The following USH2A variants were observed in gnomAD, a reference collection of about 807,000 sequenced individuals.
The protein encoded by USH2A is Usher syndrome 2A (autosomal recessive, mild).
A neutral mutation model predicts 538.9 loss-of-function variants in USH2A; 443 were observed. The observed-to-expected ratio is 0.82, with a 90% CI of 0.76 to 0.89. USH2A has a LOEUF of 0.89. Among genes scored for constraint, USH2A ranks in the 40% least tolerant of loss-of-function variants. USH2A has a pLI of 0.00. For missense variants in USH2A, 6,633 were observed against 6,324.8 expected, an observed-to-expected ratio of 1.05 and a Z score of -1.65; for synonymous variants, 2,413 against 2,273.5, an observed-to-expected ratio of 1.06 and a Z score of -1.75.
intron 61 of USH2A, among the ~76,000 whole-genome samples, chr1:215,710,165 C>T (rs1375016326): frequency 4.6e-5 from 7 of 152,166 alleles, no homozygotes; most frequent in Admixed American, 4.6e-4. Context: ...TGTGCAAGTG[C>T]ATCATTCACT....
At position 216,128,588 on chromosome 1, in the gene USH2A, T is replaced by C. The variant is rs554466439; in HGVS notation, c.4628-31375A>G. The stretch of plus-strand genomic sequence containing the variant: ...ATTCTTTTTCTCGTCAAGTTAACTT[T>C]TCTTAAATTGTAAAATTTTTAATTT... On this transcript the variant is annotated intron_variant, in intron 21 of 71. Coordinates refer to ENST00000307340, the MANE Select transcript of USH2A (RefSeq NM_206933.4). Among the ~76,000 whole-genome samples the C allele has an allele frequency of 4.6e-5, 7 of 152,178 alleles. No homozygotes were observed. The East Asian group carries it at 5.8e-4, about 13-fold the overall frequency.
At chr1:215,728,510 G>A (rs984634063) in intron 60 of USH2A, 126 bp from the exon 61 acceptor site, 3 of 951,658 alleles carry the variant, frequency 3.2e-6, no homozygotes, top group Non-Finnish European at 4.8e-6. Flanking sequence ...TCTTCCTGGT[G>A]TCATAGTAAA....
At chr1:216,336,777 T>A (rs543453701) in intron 4 of USH2A, among the ~76,000 whole-genome samples, 33 of 151,574 alleles carry the variant, frequency 2.2e-4, no homozygotes, top group African/African-American at 7.2e-4. Flanking sequence ...TCAATATGGA[T>A]AATAGAACTA....
At chr1:216,040,267 C>T (rs896180357) in intron 32 of USH2A, among the ~76,000 whole-genome samples, 3 of 151,916 alleles carry the variant, frequency 2.0e-5, no homozygotes, top group African/African-American at 7.2e-5. Context: ...TGAAAACACA[C>T]GTGTTATGGC....
At chr1:215,830,379 G>GA (rs1345676094) in intron 47 of USH2A, among the ~76,000 whole-genome samples, 4 of 152,286 alleles carry the variant, frequency 2.6e-5, no homozygotes, top group Middle Eastern at 3.4e-3. Flanking sequence ...CCAACGGGGG[G>GA]AAAAATCTTT....
At position 216,095,246 on chromosome 1, in the gene USH2A, T is replaced by C. The variant is rs1014459299; in HGVS notation, c.4758+1837A>G. 5.9e-5 allele frequency among the ~76,000 whole-genome samples: 9 copies of C among 152,146 alleles called. 1 individual carries two copies. The highest frequency in any genetic ancestry group is 2.2e-4 in the African/African-American group (9 of 41,436). On this transcript the variant is annotated intron_variant, in intron 22 of 71. Coordinates refer to ENST00000307340, the MANE Select transcript of USH2A (RefSeq NM_206933.4). ...CCGATTCGCTTCTTAGTGACAGTAGTAGTATCTAACTTTCTTGTTTTTGTC... is the reference window on the plus strand; with the variant it reads ...CCGATTCGCTTCTTAGTGACAGTAGCAGTATCTAACTTTCTTGTTTTTGTC...
intron 21 of USH2A, among the ~76,000 whole-genome samples, chr1:216,127,760 G>A (rs112967956): frequency 1.3e-5 from 2 of 152,282 alleles, no homozygotes; most frequent in African/African-American, 4.8e-5. Context: ...ATTAAATGCT[G>A]TTGTAGCAAA....
intron 41 of USH2A, among the ~76,000 whole-genome samples, chr1:215,882,500 G>A (rs1423517967): frequency 6.6e-6 from 1 of 151,858 alleles, no homozygotes; most frequent in Non-Finnish European, 1.5e-5. Context: ...TATTCTATTT[G>A]TATTTTTTCA....
chr1:216,086,583 A>G lies in USH2A; in HGVS notation c.4987+136T>C. The G allele has an allele frequency of 4.2e-6, 3 of 708,810 alleles. No homozygotes were observed. The South Asian group carries it at 5.1e-5, about 12-fold the overall frequency. 43.9% of individuals were successfully genotyped at this position (708,810 alleles called of 1,614,324 possible). A position where few individuals can be genotyped will look rare whatever the true frequency, so the allele number is the denominator to read the frequency against. On this transcript the variant is annotated intron_variant, in intron 24 of 71. Transcript: ENST00000307340. ...GGTTCCTTTAAAAAAAAGAGACCTA[A>G]AGGAAATTTTTGGCACATTAATATA...
At chr1:216,123,000 G>C (rs1404112572) in intron 21 of USH2A, among the ~76,000 whole-genome samples, 1 of 152,134 alleles carries the variant, frequency 6.6e-6, no homozygotes, top group Non-Finnish European at 1.5e-5. Context: ...AAGGCAAAAG[G>C]AAAAGAGCAA....
intron 3 of USH2A, among the ~76,000 whole-genome samples, chr1:216,368,955 C>T (rs1221055384): frequency 6.6e-6 from 1 of 152,104 alleles, no homozygotes; most frequent in Non-Finnish European, 1.5e-5. Context: ...AATAGATTAA[C>T]ATTAAGCGAT....
chr1:215,963,773 C>T (rs1168732307), intron 37 of USH2A, among the ~76,000 whole-genome samples: 1 of 152,048 alleles, frequency 6.6e-6, no homozygotes, highest in Non-Finnish European at 1.5e-5. Flanking sequence ...GCTCCCTCTC[C>T]GATATCTTTG....
chr1:216,073,546 C>G (rs1037101573), intron 27 of USH2A, among the ~76,000 whole-genome samples: 1 of 152,100 alleles, frequency 6.6e-6, no homozygotes, highest in Non-Finnish European at 1.5e-5. Context: ...ACTTTTGGTA[C>G]TGAAAAAGCA....
chr1:216,388,470 A>G (rs2039044903), intron 3 of USH2A, among the ~76,000 whole-genome samples: 1 of 152,200 alleles, frequency 6.6e-6, no homozygotes. Flanking sequence ...TTTTAAAGAA[A>G]AATTTCCACT....
intron 11 of USH2A, among the ~76,000 whole-genome samples, chr1:216,266,964 G>A (rs2036484968): frequency 6.6e-6 from 1 of 151,802 alleles, no homozygotes; most frequent in South Asian, 2.1e-4. Context: ...AACATGTTAA[G>A]TGTTTAATTG....
intron 4 of USH2A, among the ~76,000 whole-genome samples, chr1:216,338,041 C>T (rs2038006919): frequency 6.6e-6 from 1 of 151,120 alleles, no homozygotes; most frequent in Admixed American, 6.6e-5. Context: ...GAATGATATA[C>T]TATGATCATG....
At position 215,817,133 on chromosome 1, in the gene USH2A, A is replaced by C; in HGVS notation, c.9434T>G (p.Leu3145Arg). ...KPNGIILGYD[L>R]LWKTWYPCAK... ...GCATGGATACCATGTTTTCCATAGG[A>C]GATCATATCCAAGAATGATGCCATT... is the stretch of plus-strand genomic sequence containing the variant. The change falls in exon 48 of 72, where the codon CTC (leucine) becomes CGC (arginine). Residue 3145 changes from leucine to arginine, a missense_variant. Transcript: ENST00000307340. 1 of 1,612,876 alleles carries C rather than the reference A, an allele frequency of 6.2e-7. No homozygotes were observed. The highest frequency in any genetic ancestry group is 8.5e-7 in the Non-Finnish European group (1 of 1,179,090).
intron 30 of USH2A, among the ~76,000 whole-genome samples, chr1:216,066,328 C>T (rs558058344): frequency 3.3e-5 from 5 of 152,046 alleles, no homozygotes; most frequent in East Asian, 1.9e-4. Flanking sequence ...AAAAATTACC[C>T]GGGCGTGGAG....
intron 11 of USH2A, among the ~76,000 whole-genome samples, chr1:216,284,698 T>A (rs982112547): frequency 1.3e-5 from 2 of 151,912 alleles, no homozygotes; most frequent in African/African-American, 4.8e-5. Flanking sequence ...TAGGAAAATG[T>A]GGGAAAGTTT....
Sources: allele counts gnomAD v4.1 joint callset (sites outside exome capture counted in the v4.1 genomes callset), GRCh38; gene constraint gnomAD v4.1.1; transcripts MANE v1.5; gene names NCBI Gene and HGNC (gene_info 2026-07-23, HGNC 2026-07-21).